NFATC1: variants seen among roughly 807,000 people sequenced by gnomAD.
The protein encoded by NFATC1 is nuclear factor of activated T cells 1, also known as nuclear factor of activated T-cells, cytoplasmic 1.
A neutral mutation model predicts 76.0 loss-of-function variants in NFATC1; 22 were observed. The ratio of observed to expected loss-of-function variants is 0.29; its 90% CI spans 0.21 to 0.41. NFATC1 has a LOEUF of 0.41. NFATC1 is among the 10% of genes least tolerant of loss of function. NFATC1 has a pLI of 1.00. For synonymous variants in NFATC1, 704 were observed against 613.1 expected (o/e 1.15, Z -2.19); for missense variants, 1,357 against 1,337.7 (o/e 1.01, Z -0.23).
chr18:79,435,047 C>T (rs2086724280), intron 3 of NFATC1, among the ~76,000 whole-genome samples: 1 of 152,200 alleles, frequency 6.6e-6, no homozygotes, highest in Non-Finnish European at 1.5e-5. Flanking sequence ...AGGCCTGCAC[C>T]TCCCCATCCC....
At chr18:79,507,972 T>C (rs1035306102) in intron 9 of NFATC1, among the ~76,000 whole-genome samples, 4 of 152,240 alleles carry the variant, frequency 2.6e-5, no homozygotes, top group Admixed American at 1.3e-4. Flanking sequence ...TGTTATGTAC[T>C]TTCCCTTTTC....
Position 79,512,558 on chromosome 18 carries a change from CAT to C in NFATC1, c.2783-14969_2783-14968del, listed in dbSNP as rs568267267. ...GCAGTTGTGCGGCTGTGGACTCACA[CAT>C]GTGGCAGGAGGAGATGCCTGCAGTC... On this transcript the variant is annotated intron_variant, in intron 9 of 9. Transcript: ENST00000427363. 2.6e-4 allele frequency among the ~76,000 whole-genome samples: 39 copies of C among 152,330 alleles called. No individual in the cohort carries two copies. In the East Asian group the frequency reaches 6.4e-3, roughly 25 times the overall value.
intron 9 of NFATC1, among the ~76,000 whole-genome samples, chr18:79,525,935 T>G (rs993478948): frequency 6.6e-6 from 1 of 152,260 alleles, no homozygotes; most frequent in African/African-American, 2.4e-5. Flanking sequence ...CATCCCTGTC[T>G]CGTGCCACAG....
rs548229235 is a variant in NFATC1 at position 79,463,095 on chromosome 18, C to T, written c.1959+1729C>T. Among the ~76,000 whole-genome samples, 3 of 152,370 alleles carry T rather than the reference C, an allele frequency of 2.0e-5. No individual in the cohort carries two copies. In the South Asian group the frequency reaches 6.2e-4, roughly 32 times the overall value. ...GCGCCCTTCCCCCAAGGACCCATCC[C>T]CTTCCCAGAACCTTTTCCAAGTGGT... On this transcript the variant is annotated intron_variant, in intron 7 of 9. Coordinates refer to ENST00000427363, the MANE Select transcript of NFATC1 (RefSeq NM_001278669.2).
At chr18:79,482,640 T>G (rs2089326228) in intron 8 of NFATC1, among the ~76,000 whole-genome samples, 1 of 138,414 alleles carries the variant, frequency 7.2e-6, no homozygotes, top group Non-Finnish European at 1.5e-5. Context: ...CAGCGTGACC[T>G]CGTTCCTGGG....
intron 2 of NFATC1, among the ~76,000 whole-genome samples, chr18:79,429,864 G>T (rs947121807): frequency 2.6e-5 from 4 of 152,270 alleles, no homozygotes; most frequent in Non-Finnish European, 5.9e-5. Flanking sequence ...GCGGCGTCGG[G>T]TCAACGGCGG....
chr18:79,459,798 TAC>T (rs1205842248), intron 6 of NFATC1, among the ~76,000 whole-genome samples: 3 of 152,138 alleles, frequency 2.0e-5, no homozygotes, highest in Non-Finnish European at 2.9e-5. Flanking sequence ...AAGACTTAGT[TAC>T]ACACAGAGTG....
chr18:79,462,173 G>A (rs1297789429), intron 7 of NFATC1, among the ~76,000 whole-genome samples: 2 of 152,094 alleles, frequency 1.3e-5, no homozygotes, highest in Admixed American at 6.6e-5. Context: ...GCACGGCACC[G>A]GTTGCTGCGT....
intron 9 of NFATC1, among the ~76,000 whole-genome samples, chr18:79,509,962 G>A (rs2090204394): frequency 1.3e-5 from 2 of 152,372 alleles, no homozygotes; most frequent in Non-Finnish European, 2.9e-5. Context: ...TCTTGGTGCA[G>A]CCATAAAGCC....
intron 2 of NFATC1, among the ~76,000 whole-genome samples, chr18:79,432,239 G>A (rs899355844): frequency 1.3e-5 from 2 of 152,192 alleles, no homozygotes; most frequent in Non-Finnish European, 2.9e-5. Flanking sequence ...CCTGGCCAGA[G>A]GGGCTGGTTC....
chr18:79,450,146 G>T, intron 4 of NFATC1, among the ~76,000 whole-genome samples: 1 of 152,214 alleles, frequency 6.6e-6, no homozygotes, highest in Non-Finnish European at 1.5e-5. Context: ...CCAGGACCGC[G>T]CTCCAGCCCT....
In NFATC1 at chr18:79,486,486, C is replaced by G. The variant is rs1018508291; in HGVS notation, c.2331C>G (p.Thr777=). Residue 777 remains threonine, a synonymous_variant, in exon 9 of 10, where the codon ACC becomes ACG. Transcript: ENST00000427363. ...ACGACCTTTCTCCCGCTGCCTACACCAAGGGCGTTGCCAGCCCGGGCCACT... is the reference window on the plus strand; with the variant it reads ...ACGACCTTTCTCCCGCTGCCTACACGAAGGGCGTTGCCAGCCCGGGCCACT... ...KLHDLSPAAY[T]KGVASPGHCH... 1 of 1,607,276 alleles carries G rather than the reference C, an allele frequency of 6.2e-7. No homozygotes were observed. Among genetic ancestry groups the G allele is most frequent in the Non-Finnish European group, 8.5e-7 (1 of 1,179,660 alleles).
At chr18:79,493,312 C>T (rs1208486299) in intron 9 of NFATC1, 1 of 152,272 alleles carries the variant, frequency 6.6e-6, no homozygotes, top group Admixed American at 6.5e-5. Flanking sequence ...GGGCCTGTGT[C>T]TTCCGAAACG....
intron 5 of NFATC1, 110 bp from the exon 6 acceptor site, chr18:79,451,566 G>A (rs895545720): frequency 3.3e-5 from 41 of 1,256,214 alleles, no homozygotes; most frequent in Admixed American, 6.6e-5. Flanking sequence ...AGGTCGTGGC[G>A]GTGCTTGCTC....
chr18:79,526,955 C>T (rs62096933), intron 9 of NFATC1, among the ~76,000 whole-genome samples: 6,107 of 152,282 alleles, frequency 0.04, 156 homozygotes, highest in Middle Eastern at 0.061. Flanking sequence ...CCTATCTCAG[C>T]GCCCATCAGG....
At chr18:79,500,406 A>G (rs2089987889) in intron 9 of NFATC1, among the ~76,000 whole-genome samples, 1 of 152,174 alleles carries the variant, frequency 6.6e-6, no homozygotes, top group African/African-American at 2.4e-5. Flanking sequence ...CTTAGAGGGA[A>G]ATTTATAGCT....
intron 8 of NFATC1, among the ~76,000 whole-genome samples, chr18:79,481,138 C>A (rs1219968044): frequency 1.3e-5 from 2 of 152,236 alleles, no homozygotes; most frequent in Non-Finnish European, 2.9e-5. Context: ...TTGGCCAAGC[C>A]CTGCCTCTGG....
At chr18:79,420,635 C>T (rs72486307) in intron 2 of NFATC1, among the ~76,000 whole-genome samples, 7,604 of 150,882 alleles carry the variant, frequency 0.05, 299 homozygotes, top group East Asian at 0.19. Flanking sequence ...GAGGTGGATG[C>T]GTTTCCAGGC....
chr18:79,441,919 T>TG (rs2086991929), intron 3 of NFATC1, among the ~76,000 whole-genome samples: 1 of 152,136 alleles, frequency 6.6e-6, no homozygotes, highest in Non-Finnish European at 1.5e-5. Flanking sequence ...CCGGGCAGAA[T>TG]CTTCTTCAGC....
Sources: allele counts gnomAD v4.1 joint callset (sites outside exome capture counted in the v4.1 genomes callset), GRCh38; gene constraint gnomAD v4.1.1; transcripts MANE v1.5; gene names NCBI Gene and HGNC (gene_info 2026-07-23, HGNC 2026-07-21).